The following SHROOM3 variants were observed in gnomAD, a reference collection of about 807,000 sequenced individuals.
The protein encoded by SHROOM3 is protein Shroom3.
Under a neutral mutation model 138.6 loss-of-function variants are expected in SHROOM3, and 47 were observed. The ratio of observed to expected loss-of-function variants is 0.34; its 90% CI spans 0.27 to 0.43. The LOEUF is 0.43. SHROOM3 is among the 20% of genes least tolerant of loss of function. The pLI is 1.00. For missense variants in SHROOM3, 2,491 were observed against 2,596.5 expected, an observed-to-expected ratio of 0.96 and a Z score of 0.88; for synonymous variants, 1,062 against 1,063.3, an observed-to-expected ratio of 1.00 and a Z score of 0.02.
At chr4:76,480,966 G>T (rs1004700978) in intron 1 of SHROOM3, among the ~76,000 whole-genome samples, 22 of 152,222 alleles carry the variant, frequency 1.4e-4, no homozygotes, top group African/African-American at 5.3e-4. Flanking sequence ...CAGAATCTCT[G>T]GGACACAGCT....
chr4:76,514,763 A>C (rs1020160625), intron 1 of SHROOM3, among the ~76,000 whole-genome samples: 16 of 152,220 alleles, frequency 1.1e-4, no homozygotes, highest in African/African-American at 3.6e-4. Flanking sequence ...TTAAAAATGA[A>C]GTATAGGGAA....
At chr4:76,464,210 C>T (rs1405186604) in intron 1 of SHROOM3, among the ~76,000 whole-genome samples, 2 of 152,344 alleles carry the variant, frequency 1.3e-5, no homozygotes, top group Admixed American at 1.3e-4. Flanking sequence ...GAGAGTTCAC[C>T]TCTTGCATCA....
chr4:76,748,490 T>C (rs1452725406), intron 5 of SHROOM3, among the ~76,000 whole-genome samples: 1 of 152,210 alleles, frequency 6.6e-6, no homozygotes, highest in African/African-American at 2.4e-5. Context: ...CCCAGAGTTA[T>C]TGATCTCACA....
At chr4:76,637,372 G>A (rs1200297289) in intron 2 of SHROOM3, among the ~76,000 whole-genome samples, 1 of 152,122 alleles carries the variant, frequency 6.6e-6, no homozygotes, top group Non-Finnish European at 1.5e-5. Context: ...GAAGACTGAG[G>A]GCTTGGCCTC....
intron 2 of SHROOM3, among the ~76,000 whole-genome samples, chr4:76,632,555 A>G (rs1735356654): frequency 2.6e-5 from 4 of 152,198 alleles, no homozygotes. Context: ...CAGAGCAATT[A>G]CTGGGGATGG....
At chr4:76,722,712 A>G (rs1271611405) in intron 3 of SHROOM3, among the ~76,000 whole-genome samples, 4 of 152,064 alleles carry the variant, frequency 2.6e-5, no homozygotes, top group Non-Finnish European at 5.9e-5. Flanking sequence ...TTCAATAAGA[A>G]TATGATGAAG....
At chr4:76,606,892 A>G (rs1168041863) in intron 2 of SHROOM3, among the ~76,000 whole-genome samples, 2 of 152,268 alleles carry the variant, frequency 1.3e-5, no homozygotes, top group African/African-American at 2.4e-5. Flanking sequence ...TGGTCTTGGT[A>G]TGCTAAACTC....
At chr4:76,444,161 C>A (rs1031155557) in intron 1 of SHROOM3, among the ~76,000 whole-genome samples, 1 of 151,984 alleles carries the variant, frequency 6.6e-6, no homozygotes. Context: ...GTGATCTGCC[C>A]ACCTCAACCT....
At chr4:76,569,296 G>A (rs1042392828) in intron 2 of SHROOM3, among the ~76,000 whole-genome samples, 4 of 152,204 alleles carry the variant, frequency 2.6e-5, no homozygotes, top group African/African-American at 9.7e-5. Context: ...AATAACGATG[G>A]ATATAAAACT....
At chr4:76,512,131 G>A (rs1396896240) in intron 1 of SHROOM3, among the ~76,000 whole-genome samples, 2 of 152,138 alleles carry the variant, frequency 1.3e-5, no homozygotes, top group Non-Finnish European at 2.9e-5. Context: ...TAGAATGGAA[G>A]GGCTAAAAAG....
chr4:76,778,298 T>C (rs370008476), intron 10 of SHROOM3, among the ~76,000 whole-genome samples: 1 of 151,586 alleles, frequency 6.6e-6, no homozygotes, highest in East Asian at 1.9e-4. Flanking sequence ...CTCGGCTCAC[T>C]GCAACCTCTG....
intron 2 of SHROOM3, among the ~76,000 whole-genome samples, chr4:76,642,570 A>G (rs532705628): frequency 1.8e-3 from 277 of 152,350 alleles, no homozygotes; most frequent in African/African-American, 6.5e-3. Flanking sequence ...TGAATGGACC[A>G]TAGTGGCAGG....
At chr4:76,486,002 TTTTA>T (rs1244817644) in intron 1 of SHROOM3, among the ~76,000 whole-genome samples, 2 of 152,166 alleles carry the variant, frequency 1.3e-5, no homozygotes, top group Non-Finnish European at 2.9e-5. Flanking sequence ...GGAATTTTTA[TTTTA>T]TTTATTTATT....
In SHROOM3 at chr4:76,564,611, G is replaced by A. The variant is rs115311206; in HGVS notation, c.323+8848G>A. ...CAATAAGACTCCCTTACTGTAATGA[G>A]GAAGGGGACATCTTTTTCCCCCGTA... is the stretch of plus-strand genomic sequence containing the variant. On this transcript the variant is annotated intron_variant, in intron 2 of 10. Transcript: ENST00000296043. Among the ~76,000 whole-genome samples the A allele has an allele frequency of 4.4e-3, 675 of 152,244 alleles. 10 individuals carry two copies. Among genetic ancestry groups the A allele is most frequent in the African/African-American group, 0.015 (637 of 41,544 alleles).
intron 2 of SHROOM3, among the ~76,000 whole-genome samples, chr4:76,670,814 A>G (rs1300433964): frequency 6.6e-6 from 1 of 152,092 alleles, no homozygotes; most frequent in African/African-American, 2.4e-5. Context: ...TTAGCCGGGC[A>G]TGGTGGTGCA....
At chr4:76,622,273 CA>C (rs1426768093) in intron 2 of SHROOM3, among the ~76,000 whole-genome samples, 1 of 152,062 alleles carries the variant, frequency 6.6e-6, no homozygotes, top group East Asian at 1.9e-4. Context: ...GCCTCATCAG[CA>C]TGGACTCATC....
chr4:76,518,936 A>G (rs1428466057), intron 1 of SHROOM3, among the ~76,000 whole-genome samples: 1 of 152,168 alleles, frequency 6.6e-6, no homozygotes, highest in East Asian at 1.9e-4. Context: ...ACAAGAATGG[A>G]GCTAGGAGTC....
At chr4:76,600,481 AC>A (rs1297198710) in intron 2 of SHROOM3, among the ~76,000 whole-genome samples, 1 of 152,208 alleles carries the variant, frequency 6.6e-6, no homozygotes, top group East Asian at 1.9e-4. Flanking sequence ...TTCCTAGGAT[AC>A]AATAGGCCAC....
At chr4:76,508,345 G>T (rs940203252) in intron 1 of SHROOM3, among the ~76,000 whole-genome samples, 1 of 152,054 alleles carries the variant, frequency 6.6e-6, no homozygotes, top group African/African-American at 2.4e-5. Context: ...TGGTTCCCTT[G>T]TTGAAAATCA....
Sources: allele counts gnomAD v4.1 joint callset (sites outside exome capture counted in the v4.1 genomes callset), GRCh38; gene constraint gnomAD v4.1.1; transcripts MANE v1.5; gene names NCBI Gene and HGNC (gene_info 2026-07-23, HGNC 2026-07-21).